The following DIAPH3 variants were observed in gnomAD, a reference collection of about 807,000 sequenced individuals.
The protein encoded by DIAPH3 is diaphanous related formin 3, also known as protein diaphanous homolog 3.
A neutral mutation model predicts 144.3 loss-of-function variants in DIAPH3; 117 were observed. The observed-to-expected ratio is 0.81, with a 90% confidence interval of 0.70 to 0.95. DIAPH3 has a LOEUF of 0.95. Ranked by LOEUF, DIAPH3 falls within the 40% of genes least tolerant of loss-of-function variation. The pLI is 0.00. For missense variants in DIAPH3, 1,421 were observed against 1,412.7 expected (o/e 1.01, Z -0.09); for synonymous variants, 519 against 488.9 (o/e 1.06, Z -0.81).
At chr13:59,841,662 T>A (rs2042352839) in intron 22 of DIAPH3, among the ~76,000 whole-genome samples, 1 of 152,104 alleles carries the variant, frequency 6.6e-6, no homozygotes, top group African/African-American at 2.4e-5. Flanking sequence ...ATAAATTAGG[T>A]TCAAAAAAGT....
Position 59,969,989 on chromosome 13 carries a change from C to G in DIAPH3, c.2029G>C (p.Asp677His), listed in dbSNP as rs1452185400. 3.1e-6 allele frequency: 5 copies of G among 1,610,048 alleles called. No individual in the cohort carries two copies. The highest frequency in any genetic ancestry group is 3.4e-6 in the Non-Finnish European group (4 of 1,177,740). Residue 677 changes from aspartate (D) to histidine (H), a missense_variant, in exon 17 of 28, where the codon GAT becomes CAT. Coordinates refer to ENST00000400324, the MANE Select transcript of DIAPH3 (RefSeq NM_001042517.2). The stretch of plus-strand genomic sequence containing the variant: ...GTATTCTCAAGTTTACAAAGCAAAT[C>G]CACGTTTTCATACTTATTTTCATTT... ...KVNENKYENV[D>H]LLCKLENTFC...
intron 25 of DIAPH3, among the ~76,000 whole-genome samples, chr13:59,810,476 C>A (rs1207280480): frequency 6.6e-6 from 1 of 152,126 alleles, no homozygotes; most frequent in Admixed American, 6.5e-5. Flanking sequence ...CTGACAGTTA[C>A]TTTATTAACT....
chr13:59,937,132 C>A (rs1337339579), intron 17 of DIAPH3, among the ~76,000 whole-genome samples: 2 of 150,686 alleles, frequency 1.3e-5, no homozygotes, highest in East Asian at 3.9e-4. Context: ...CACTGCACTC[C>A]AGCCTGGGCA....
chr13:59,910,009 C>G (rs769176121), intron 20 of DIAPH3, among the ~76,000 whole-genome samples: 2 of 152,120 alleles, frequency 1.3e-5, no homozygotes, highest in Non-Finnish European at 2.9e-5. Context: ...ATCACTAGAA[C>G]ACAGAAATAG....
chr13:59,991,616 C>G (rs1037501684), intron 11 of DIAPH3, among the ~76,000 whole-genome samples: 3 of 151,884 alleles, frequency 2.0e-5, no homozygotes, highest in African/African-American at 7.2e-5. Flanking sequence ...GGTTAATTAT[C>G]TACCATGAAG....
chr13:60,010,209 T>C (rs1293970698), intron 8 of DIAPH3, among the ~76,000 whole-genome samples: 4 of 152,206 alleles, frequency 2.6e-5, no homozygotes, highest in South Asian at 2.1e-4. Context: ...AAAAATCACA[T>C]AAGAAATAGA....
chr13:59,930,788 T>C (rs2047982425), intron 17 of DIAPH3, among the ~76,000 whole-genome samples: 1 of 152,114 alleles, frequency 6.6e-6, no homozygotes, highest in South Asian at 2.1e-4. Flanking sequence ...TGGCAAAAAT[T>C]ACAATAGAAG....
intron 22 of DIAPH3, among the ~76,000 whole-genome samples, chr13:59,852,187 C>G (rs2043015339): frequency 6.6e-6 from 1 of 152,206 alleles, no homozygotes; most frequent in East Asian, 1.9e-4. Flanking sequence ...AAGGGTCTCA[C>G]TGCTGATCAA....
intron 27 of DIAPH3, among the ~76,000 whole-genome samples, chr13:59,762,218 C>T (rs890608481): frequency 1.3e-5 from 2 of 151,918 alleles, no homozygotes; most frequent in Non-Finnish European, 2.9e-5. Flanking sequence ...TGCACCACCA[C>T]ACCCAGCTAA....
intron 27 of DIAPH3, among the ~76,000 whole-genome samples, chr13:59,702,594 G>A (rs967847294): frequency 1.3e-4 from 20 of 152,092 alleles, no homozygotes; most frequent in African/African-American, 4.8e-4. Flanking sequence ...TCTCTCTTAG[G>A]AAGTATTTTT....
chr13:59,999,011 T>C (rs539207168), intron 9 of DIAPH3, among the ~76,000 whole-genome samples: 99 of 152,180 alleles, frequency 6.5e-4, no homozygotes, highest in African/African-American at 2.1e-3. Context: ...CAAAAAATAG[T>C]AAATCAAGAT....
chr13:59,855,761 C>T (rs1281359860), intron 22 of DIAPH3, among the ~76,000 whole-genome samples: 7 of 151,782 alleles, frequency 4.6e-5, no homozygotes, highest in Non-Finnish European at 8.8e-5. Context: ...CATCATCCAC[C>T]TATGCCTTAC....
At chr13:59,971,267 A>C in intron 15 of DIAPH3, 107 bp from the exon 16 acceptor site, 1 of 1,032,742 alleles carries the variant, frequency 9.7e-7, no homozygotes, top group Non-Finnish European at 1.4e-6. Flanking sequence ...AAATAATTAC[A>C]TATCAGTAAT....
intron 25 of DIAPH3, among the ~76,000 whole-genome samples, chr13:59,802,664 ATTATTTTTTTTTTT>A (rs1234420493): frequency 1.8e-4 from 6 of 32,538 alleles, no homozygotes; most frequent in Admixed American, 6.5e-4. Context: ...TATTATTATT[ATTATTTTTTTTTTT>A]TTTTTTTTTT....
chr13:60,015,767 G>A (rs894391095), intron 7 of DIAPH3, 146 bp downstream of exon 7: 1 of 772,712 alleles, frequency 1.3e-6, no homozygotes, highest in Non-Finnish European at 2.2e-6. Flanking sequence ...TTGCAAGACA[G>A]TTGAAACTAG....
At chr13:59,810,004 T>C (rs145477048) in intron 25 of DIAPH3, among the ~76,000 whole-genome samples, 280 of 152,302 alleles carry the variant, frequency 1.8e-3, no homozygotes, top group Admixed American at 3.1e-3. Context: ...TGCTTCTAAA[T>C]AAGTGGTATC....
chr13:60,049,668 C>G (rs1229084870), intron 4 of DIAPH3, among the ~76,000 whole-genome samples: 2 of 152,160 alleles, frequency 1.3e-5, no homozygotes, highest in African/African-American at 4.8e-5. Context: ...TTCATTACTA[C>G]TTATTATTTA....
chr13:59,765,210 C>A (rs9538519), intron 27 of DIAPH3, among the ~76,000 whole-genome samples: 51,962 of 152,046 alleles, frequency 0.34, 9,356 homozygotes, highest in African/African-American at 0.44. Context: ...AGTCCAAGAA[C>A]TATTCATAGC....
chr13:59,890,007 T>C (rs914766129), intron 20 of DIAPH3, among the ~76,000 whole-genome samples: 2 of 152,148 alleles, frequency 1.3e-5, no homozygotes, highest in Non-Finnish European at 2.9e-5. Context: ...GAATGTCAAA[T>C]ATGCTAATGA....
Sources: gnomAD v4.1 joint callset for allele counts (sites outside exome capture counted in the v4.1 genomes callset) on GRCh38, gnomAD v4.1.1 for gene constraint, MANE v1.5 for transcripts, NCBI Gene and HGNC (gene_info 2026-07-23, HGNC 2026-07-21) for gene names.